The following MTNR1A variants were observed in gnomAD, a reference collection of about 807,000 sequenced individuals.
MTNR1A encodes melatonin receptor 1A.
A neutral mutation model predicts 5.5 loss-of-function variants in MTNR1A; 7 were observed. The ratio of observed to expected loss-of-function variants is 1.28; its 90% CI spans 0.73 to 2.40. The LOEUF (loss-of-function observed/expected upper bound fraction) is 2.40. Among genes scored for constraint, MTNR1A ranks in the 30% most tolerant of loss-of-function variants. The pLI is 0.00. For missense variants in MTNR1A, 441 were observed against 464.4 expected (o/e 0.95, Z 0.46); for synonymous variants, 196 against 202.7 (o/e 0.97, Z 0.28).
intron 1 of MTNR1A, among the ~76,000 whole-genome samples, chr4:186,539,905 C>T (rs1021159877): frequency 2.0e-5 from 3 of 152,204 alleles, no homozygotes; most frequent in Non-Finnish European, 4.4e-5. Flanking sequence ...CACCCAAATT[C>T]ATGGATGCTT....
chr4:186,539,331 T>A lies in MTNR1A; in HGVS notation c.185-4774A>T, dbSNP rs1311012002. On this transcript the variant is annotated intron_variant, in intron 1 of 1. Transcript: ENST00000307161. ...CAAAATATACCAACCATACAAAGGG[T>A]TGGACGTATTAAACCAACCCATTTC... Among the ~76,000 whole-genome samples, 3 of 151,382 alleles carry A rather than the reference T, an allele frequency of 2.0e-5. No homozygotes were observed. The East Asian group carries it at 5.9e-4, about 30-fold the overall frequency.
At chr4:186,544,106 C>A (rs754672643) in intron 1 of MTNR1A, among the ~76,000 whole-genome samples, 3 of 152,136 alleles carry the variant, frequency 2.0e-5, no homozygotes, top group Non-Finnish European at 4.4e-5. Flanking sequence ...CCGTCCCCCA[C>A]CCCCACTGGG....
chr4:186,553,097 C>T (rs1737295186), intron 1 of MTNR1A, among the ~76,000 whole-genome samples: 1 of 152,226 alleles, frequency 6.6e-6, no homozygotes, highest in Non-Finnish European at 1.5e-5. Flanking sequence ...GCCTAGATGC[C>T]TTCACATTGT....
intron 1 of MTNR1A, among the ~76,000 whole-genome samples, chr4:186,544,819 G>A (rs1311116626): frequency 6.6e-6 from 1 of 152,208 alleles, no homozygotes. Context: ...CGTAGACGCT[G>A]CTGGCGCATT....
chr4:186,546,643 TCCCTGTTCATGCCACCCACATCACA>T (rs1455109601), intron 1 of MTNR1A, among the ~76,000 whole-genome samples: 15 of 146,696 alleles, frequency 1.0e-4, no homozygotes, highest in Admixed American at 2.7e-4. Flanking sequence ...TCCGCCTCGC[TCCCTGTTCATGCCACCCACATCACA>T]CCCTGTTCAT....
At chr4:186,553,609 T>C (rs1293702434) in intron 1 of MTNR1A, among the ~76,000 whole-genome samples, 1 of 152,208 alleles carries the variant, frequency 6.6e-6, no homozygotes, top group East Asian at 1.9e-4. Context: ...CCTCCCGGGT[T>C]CAAGCGATTC....
intron 1 of MTNR1A, among the ~76,000 whole-genome samples, chr4:186,541,110 G>C (rs1176621037): frequency 1.3e-5 from 2 of 152,144 alleles, no homozygotes; most frequent in African/African-American, 2.4e-5. Context: ...TCATGAGGAC[G>C]TGCCCCTGAC....
In MTNR1A at chr4:186,534,472, G is replaced by C; in HGVS notation, c.270C>G (p.Asn90Lys). The C allele has an allele frequency of 2.5e-6, 4 of 1,614,168 alleles. No individual in the cohort carries two copies. Among genetic ancestry groups the C allele is most frequent in the Non-Finnish European group, 3.4e-6 (4 of 1,180,038 alleles). Residue 90 changes from asparagine to lysine, a missense_variant, in exon 2 of 2, where the codon AAC (asparagine) becomes AAG (lysine). Transcript: ENST00000307161. ...GCAGATAGCCCAGGTTCCACCCGTT[G>C]TTAAATATCGACATCAGCACCAACG... ...PYPLVLMSIF[N>K]NGWNLGYLHC...
intron 1 of MTNR1A, among the ~76,000 whole-genome samples, chr4:186,540,341 A>G (rs762182795): frequency 6.6e-6 from 1 of 152,188 alleles, no homozygotes; most frequent in Non-Finnish European, 1.5e-5. Flanking sequence ...TGAGTTCCAC[A>G]TCCCTCAAAT....
chr4:186,550,659 A>C (rs777902554), intron 1 of MTNR1A, among the ~76,000 whole-genome samples: 1 of 152,188 alleles, frequency 6.6e-6, no homozygotes, highest in Non-Finnish European at 1.5e-5. Flanking sequence ...TTAACTCCCA[A>C]AATTGCCAAG....
At chr4:186,543,670 T>G (rs1737077096) in intron 1 of MTNR1A, among the ~76,000 whole-genome samples, 1 of 152,234 alleles carries the variant, frequency 6.6e-6, no homozygotes, top group Non-Finnish European at 1.5e-5. Context: ...GGAATGTGAC[T>G]CAACTAGAAT....
At chr4:186,537,248 T>C (rs1009553859) in intron 1 of MTNR1A, among the ~76,000 whole-genome samples, 5 of 152,184 alleles carry the variant, frequency 3.3e-5, no homozygotes, top group Non-Finnish European at 5.9e-5. Context: ...AGTGTTCATG[T>C]GTGCCTGGGG....
chr4:186,536,306 A>T (rs914032443), intron 1 of MTNR1A, among the ~76,000 whole-genome samples: 39 of 151,886 alleles, frequency 2.6e-4, no homozygotes, highest in African/African-American at 9.2e-4. Flanking sequence ...AGATCGCGCC[A>T]TTGCACTCCA....
At chr4:186,547,314 A>C (rs529037898) in intron 1 of MTNR1A, among the ~76,000 whole-genome samples, 1 of 128,280 alleles carries the variant, frequency 7.8e-6, no homozygotes, top group Admixed American at 7.6e-5. Context: ...CACCGTCCAC[A>C]CCACACCCTG....
chr4:186,533,850 G>C lies in MTNR1A; in HGVS notation c.892C>G (p.Leu298Val). 2.5e-6 allele frequency: 4 copies of C among 1,614,146 alleles called. No individual in the cohort carries two copies. Among genetic ancestry groups the C allele is most frequent in the Non-Finnish European group, 3.4e-6 (4 of 1,180,040 alleles). ...TATTCCTTCCTGAAATTTTGGTTCA[G>C]TAGCCCGTATATAATGGCATTGAGG... ...SCLNAIIYGL[L>V]NQNFRKEYRR... Residue 298 changes from leucine (L) to valine (V), a missense_variant, in exon 2 of 2, where the codon CTG (leucine) becomes GTG (valine). Transcript: ENST00000307161.
intron 1 of MTNR1A, among the ~76,000 whole-genome samples, chr4:186,537,464 T>TGCAAC (rs1337757861): frequency 2.6e-5 from 4 of 152,204 alleles, no homozygotes; most frequent in Non-Finnish European, 5.9e-5. Context: ...ACAAGCTTAA[T>TGCAAC]AATGCATTCT....
Position 186,533,690 on chromosome 4 carries a change from TA to T in MTNR1A, c.1051del (p.Ter351LysfsTer8). 2 of 1,614,038 alleles carry T rather than the reference TA, an allele frequency of 1.2e-6. No homozygotes were observed. Among genetic ancestry groups the T allele is most frequent in the Non-Finnish European group, 1.7e-6 (2 of 1,180,052 alleles). On this transcript the variant is annotated frameshift_variant and stop_lost, in exon 2 of 2. Coordinates refer to ENST00000307161, the MANE Select transcript of MTNR1A (RefSeq NM_005958.4). LOFTEE classifies it high-confidence loss of function. Reference protein sequence around the residue: ...NNNVVKVDSV* With the variant: ...NNNVVKVDSVX ...TCTCACCCGGAACGTGGTGCTTTTT[TA>T]AACGGAGTCCACCTTTACTACATTA...
intron 1 of MTNR1A, among the ~76,000 whole-genome samples, chr4:186,535,554 G>A (rs940961709): frequency 6.6e-6 from 1 of 152,074 alleles, no homozygotes. Context: ...AGGGACCACA[G>A]GTGCACACCA....
chr4:186,551,238 A>C (rs1350715610), intron 1 of MTNR1A, among the ~76,000 whole-genome samples: 1 of 152,200 alleles, frequency 6.6e-6, no homozygotes, highest in African/African-American at 2.4e-5. Flanking sequence ...ATATCGAAAT[A>C]ATCAGTCTTT....
Sources: allele counts gnomAD v4.1 joint callset (sites outside exome capture counted in the v4.1 genomes callset), GRCh38; gene constraint gnomAD v4.1.1; transcripts MANE v1.5; gene names NCBI Gene and HGNC (gene_info 2026-07-23, HGNC 2026-07-21).